Variants in PDE10A observed in about 807,000 individuals in gnomAD.
PDE10A encodes the protein phosphodiesterase 10A, also known as cAMP and cAMP-inhibited cGMP 3',5'-cyclic phosphodiesterase 10A.
PDE10A carries 39 observed loss-of-function variants against 97.7 expected under a neutral mutation model. That is an observed-to-expected ratio of 0.40 (90% CI 0.31 to 0.52). The LOEUF is 0.52. Among genes scored for constraint, PDE10A ranks in the 20% least tolerant of loss-of-function variants. The pLI is 0.56. For synonymous variants in PDE10A, 371 were observed against 376.8 expected (o/e 0.98, Z 0.18); for missense variants, 731 against 1,047.8 (o/e 0.70, Z 4.17).
rs77669968 is a variant in PDE10A, at chr6:165,794,679, T to C, written c.-615+192850A>G. Among the ~76,000 whole-genome samples, 225 of 152,204 alleles carry C rather than the reference T, an allele frequency of 1.5e-3. 6 individuals carry two copies. The East Asian group carries it at 0.038, about 26-fold the overall frequency. ...TTCACACACTCAATAACTCACACAC[T>C]GACAGGAATATTTTCTCATTTCACC... On this transcript the variant is annotated intron_variant, in intron 1 of 19. Coordinates refer to the PDE10A transcript ENST00000366882.
Position 165,661,886 on chromosome 6 carries a change from A to G in PDE10A, c.865+61T>C. The G allele has an allele frequency of 1.3e-6, 1 of 742,194 alleles. No individual in the cohort carries two copies. The highest frequency in any genetic ancestry group is 2.4e-6 in the Non-Finnish European group (1 of 424,972). The allele number at this position is 742,194 out of a possible 1,614,324, so 46.0% of individuals were successfully genotyped here. On this transcript the variant is annotated intron_variant, in intron 1 of 21. Coordinates refer to ENST00000539869, the MANE Select transcript of PDE10A (RefSeq NM_001385079.1). This position sits in a 1 kb window ranked among gnomAD's most constrained non-coding sequence, Gnocchi z 4.8. ...TCCCACCCAGCAGTCCAAGCCCCCC[A>G]CCTGCCCCCAGGGGATGAGGAGCCG...
intron 1 of PDE10A, among the ~76,000 whole-genome samples, chr6:165,564,725 G>C (rs946844743): frequency 2.6e-5 from 4 of 152,132 alleles, no homozygotes; most frequent in African/African-American, 9.7e-5. Flanking sequence ...AACTGACTTG[G>C]AGCTTGTCTG....
chr6:165,828,856 G>A (rs952121674), intron 1 of PDE10A, among the ~76,000 whole-genome samples: 8 of 152,166 alleles, frequency 5.3e-5, no homozygotes, highest in Admixed American at 5.2e-4. Context: ...TGCCTGGTAT[G>A]TATTTAACAA....
chr6:165,458,401 G>C (rs1302936711), intron 3 of PDE10A, among the ~76,000 whole-genome samples: 4 of 152,106 alleles, frequency 2.6e-5, no homozygotes, highest in Admixed American at 2.0e-4. Flanking sequence ...CTTCCACCCT[G>C]TGAGGACACG....
intron 1 of PDE10A, among the ~76,000 whole-genome samples, chr6:165,805,597 A>G (rs929823097): frequency 4.6e-5 from 7 of 151,888 alleles, no homozygotes; most frequent in African/African-American, 1.7e-4. Flanking sequence ...CTTCAACTCT[A>G]TGTACAGGTA....
intron 1 of PDE10A, among the ~76,000 whole-genome samples, chr6:165,902,971 T>A (rs552071789): frequency 2.0e-5 from 3 of 152,352 alleles, no homozygotes; most frequent in Non-Finnish European, 4.4e-5. Flanking sequence ...TGTGGCCTAT[T>A]TGTTACAGCA....
chr6:165,894,582 A>C (rs1187134827), intron 1 of PDE10A: 1 of 455,754 alleles, frequency 2.2e-6, no homozygotes, highest in Non-Finnish European at 4.4e-6. Flanking sequence ...CTGGAGAAGG[A>C]CCACAACCCT....
chr6:165,465,256 C>T (rs955367482), intron 3 of PDE10A, among the ~76,000 whole-genome samples: 1 of 152,208 alleles, frequency 6.6e-6, no homozygotes, highest in African/African-American at 2.4e-5. Flanking sequence ...AATCTGCGAG[C>T]TACACAGGTA....
intron 1 of PDE10A, among the ~76,000 whole-genome samples, chr6:165,703,350 A>G (rs1791627881): frequency 6.6e-6 from 1 of 152,200 alleles, no homozygotes. Context: ...GGGAATAAAC[A>G]TGCATGTCAT....
chr6:165,941,532 A>ATGTCGGGATCATGGAGGT (rs1436978050), intron 1 of PDE10A, among the ~76,000 whole-genome samples: 1 of 152,052 alleles, frequency 6.6e-6, no homozygotes, highest in Admixed American at 6.5e-5. Flanking sequence ...CCGGTGGGGG[A>ATGTCGGGATCATGGAGGT]TGTCGGGATC....
chr6:165,744,569 A>T, intron 1 of PDE10A, among the ~76,000 whole-genome samples: 1 of 151,518 alleles, frequency 6.6e-6, no homozygotes, highest in South Asian at 2.1e-4. Flanking sequence ...CAGAGAACTA[A>T]TTTTTTTTTC....
chr6:165,712,119 T>C (rs549386595), intron 1 of PDE10A, among the ~76,000 whole-genome samples: 40 of 152,074 alleles, frequency 2.6e-4, no homozygotes, highest in Non-Finnish European at 4.1e-4. Flanking sequence ...TGGAGGGTTC[T>C]GGGCTCCACC....
intron 1 of PDE10A, among the ~76,000 whole-genome samples, chr6:165,717,687 T>G (rs965034921): frequency 3.9e-5 from 6 of 152,272 alleles, no homozygotes; most frequent in Non-Finnish European, 7.3e-5. Context: ...ATTCTATGTT[T>G]AATCTCTTGA....
At chr6:165,480,845 T>C (rs221731) in intron 3 of PDE10A, among the ~76,000 whole-genome samples, 99,013 of 152,008 alleles carry the variant, frequency 0.65, 32,497 homozygotes, top group Admixed American at 0.73. Flanking sequence ...GTCAAATAAG[T>C]ATTGATCAAG....
At chr6:165,608,027 T>C (rs117752309) in intron 1 of PDE10A, among the ~76,000 whole-genome samples, 439 of 151,492 alleles carry the variant, frequency 2.9e-3, no homozygotes, top group Middle Eastern at 7.0e-3. Flanking sequence ...CGAACAGTTA[T>C]TCTAATGCAA....
intron 1 of PDE10A, among the ~76,000 whole-genome samples, chr6:165,720,862 C>T (rs1792151426): frequency 1.3e-5 from 2 of 152,154 alleles, no homozygotes; most frequent in Admixed American, 1.3e-4. Context: ...CTGGCCAGGC[C>T]ATATATGGAG....
chr6:165,821,249 G>C (rs893374611), intron 1 of PDE10A, among the ~76,000 whole-genome samples: 1 of 152,114 alleles, frequency 6.6e-6, no homozygotes, highest in Non-Finnish European at 1.5e-5. Flanking sequence ...TGCTGAAAGA[G>C]TGTAGAAGTA....
intron 1 of PDE10A, among the ~76,000 whole-genome samples, chr6:165,986,784 G>A (rs1011906518): frequency 1.3e-5 from 2 of 151,632 alleles, no homozygotes; most frequent in Admixed American, 1.3e-4. Flanking sequence ...GGCTTGGGGG[G>A]AGGGGGGACG....
intron 1 of PDE10A, among the ~76,000 whole-genome samples, chr6:165,929,599 G>T (rs1783059413): frequency 6.6e-6 from 1 of 152,188 alleles, no homozygotes; most frequent in South Asian, 2.1e-4. Context: ...TGTGTGCAGG[G>T]CCTTCAGTGC....
Sources: allele counts gnomAD v4.1 joint callset (sites outside exome capture counted in the v4.1 genomes callset), GRCh38; gene constraint gnomAD v4.1.1; non-coding constraint Gnocchi (gnomAD v3.1); transcripts MANE v1.5; gene names NCBI Gene and HGNC (gene_info 2026-07-23, HGNC 2026-07-21).